Variants in PAFAH1B1 observed in about 807,000 individuals in gnomAD.
PAFAH1B1 encodes platelet-activating factor acetylhydrolase IB subunit beta.
PAFAH1B1 carries 2 observed loss-of-function variants against 57.5 expected under a neutral mutation model. The observed-to-expected ratio is 0.03, with a 90% CI of 0.01 to 0.11. The LOEUF (loss-of-function observed/expected upper bound fraction) is 0.11, where lower values mean the gene tolerates loss of function less well. PAFAH1B1 is among the 10% of genes least tolerant of loss of function. The pLI is 1.00. For synonymous variants in PAFAH1B1, 152 were observed against 169.6 expected, an observed-to-expected ratio of 0.90 and a Z score of 0.81; for missense variants, 257 against 512.0, an observed-to-expected ratio of 0.50 and a Z score of 4.81.
At chr17:2,597,116 T>C (rs751915134) in intron 1 of PAFAH1B1, among the ~76,000 whole-genome samples, 3 of 152,182 alleles carry the variant, frequency 2.0e-5, no homozygotes, top group Non-Finnish European at 4.4e-5. Flanking sequence ...AGATTGTTGT[T>C]AATCAGGAGC....
At chr17:2,650,054 T>C (rs1186239751) in intron 2 of PAFAH1B1, among the ~76,000 whole-genome samples, 1 of 152,110 alleles carries the variant, frequency 6.6e-6, no homozygotes, top group African/African-American at 2.4e-5. Context: ...CTGGTAAGTT[T>C]GACTGTATCA....
At chr17:2,611,833 G>T (rs2068271065) in intron 1 of PAFAH1B1, among the ~76,000 whole-genome samples, 1 of 152,086 alleles carries the variant, frequency 6.6e-6, no homozygotes, top group South Asian at 2.1e-4. Flanking sequence ...GCAACATCAG[G>T]GCAGATAATT....
intron 1 of PAFAH1B1, among the ~76,000 whole-genome samples, chr17:2,621,605 GTCTTTTTTTTTTTTTTTTTT>G (rs751626160): frequency 2.6e-4 from 24 of 93,242 alleles, no homozygotes; most frequent in African/African-American, 3.3e-4. Flanking sequence ...TAGATAATCT[GTCTTTTTTTTTTTTTTTTTT>G]TTTTTTTTTT....
Position 2,647,730 on chromosome 17 carries a change from C to A in PAFAH1B1, c.32+9410C>A, listed in dbSNP as rs562463276. On this transcript the variant is annotated intron_variant, in intron 2 of 10. Coordinates refer to ENST00000397195, the MANE Select transcript of PAFAH1B1 (RefSeq NM_000430.4). ...TTATAAAGGAGAGAGGGCAGCCGGG[C>A]GAGGTGGCTCACGCCTGTAATCCCA... is the stretch of plus-strand genomic sequence containing the variant. Among the ~76,000 whole-genome samples the A allele has an allele frequency of 1.5e-3, 232 of 152,192 alleles. 1 individual carries two copies. The highest frequency in any genetic ancestry group is 2.8e-3 in the Non-Finnish European group (190 of 68,004).
chr17:2,623,549 C>T (rs1052554864), intron 1 of PAFAH1B1, among the ~76,000 whole-genome samples: 2 of 151,578 alleles, frequency 1.3e-5, no homozygotes, highest in Non-Finnish European at 2.9e-5. Context: ...TGAGCCACTG[C>T]GTCTGGCCAA....
intron 9 of PAFAH1B1, among the ~76,000 whole-genome samples, chr17:2,677,593 G>A (rs1381090159): frequency 6.6e-6 from 1 of 152,112 alleles, no homozygotes. Flanking sequence ...GGTGGCTCAC[G>A]CCTGTAATCC....
At chr17:2,652,266 T>C (rs2068866738) in intron 2 of PAFAH1B1, among the ~76,000 whole-genome samples, 1 of 151,182 alleles carries the variant, frequency 6.6e-6, no homozygotes, top group African/African-American at 2.4e-5. Context: ...AAAAAAAAAA[T>C]TGGCCGGGCG....
At chr17:2,642,937 C>CT (rs1187193874) in intron 2 of PAFAH1B1, among the ~76,000 whole-genome samples, 2 of 152,068 alleles carry the variant, frequency 1.3e-5, no homozygotes, top group Non-Finnish European at 2.9e-5. Context: ...AAGTGTTACT[C>CT]TCTTCTGAAT....
chr17:2,679,330 A>G (rs1241549224), intron 9 of PAFAH1B1, among the ~76,000 whole-genome samples: 1 of 152,156 alleles, frequency 6.6e-6, no homozygotes, highest in Non-Finnish European at 1.5e-5. Context: ...GGAAATATGG[A>G]TGGATAGATG....
chr17:2,617,479 C>G (rs1383713843), intron 1 of PAFAH1B1, among the ~76,000 whole-genome samples: 1 of 152,198 alleles, frequency 6.6e-6, no homozygotes, highest in African/African-American at 2.4e-5. Flanking sequence ...CATACCTGAG[C>G]ACAGTCCATC....
At chr17:2,640,906 T>C (rs1298849420) in intron 2 of PAFAH1B1, 1 of 152,146 alleles carries the variant, frequency 6.6e-6, no homozygotes, top group Admixed American at 6.5e-5. Flanking sequence ...TTACTGTCAT[T>C]TTCTTTACCA....
At chr17:2,602,451 G>C (rs921692442) in intron 1 of PAFAH1B1, among the ~76,000 whole-genome samples, 1 of 152,114 alleles carries the variant, frequency 6.6e-6, no homozygotes, top group Non-Finnish European at 1.5e-5. Context: ...ACTCAACCTT[G>C]ACTCTTCTTT....
At chr17:2,593,590 G>GGGCGGCGGCGGGGGCGGCGGCGGCGGC, upstream of PAFAH1B1, among the ~76,000 whole-genome samples, 1 of 148,666 alleles carries the variant, frequency 6.7e-6, no homozygotes, top group South Asian at 2.1e-4. Flanking sequence ...GGCGGGTCTG[G>GGGCGGCGGCGGGGGCGGCGGCGGCGGC]GGCGGCGGCG....
At chr17:2,654,067 A>T (rs2068903846) in intron 2 of PAFAH1B1, among the ~76,000 whole-genome samples, 1 of 152,134 alleles carries the variant, frequency 6.6e-6, no homozygotes, top group South Asian at 2.1e-4. Flanking sequence ...TCGGCCTCCA[A>T]AAGTGCTGGG....
intron 2 of PAFAH1B1, chr17:2,642,497 G>C (rs990762989): frequency 1.3e-5 from 2 of 152,158 alleles, no homozygotes; most frequent in African/African-American, 4.8e-5. Context: ...GTTTAGACTT[G>C]GTTGAGTCTC....
At chr17:2,632,188 C>G (rs571730546) in intron 1 of PAFAH1B1, among the ~76,000 whole-genome samples, 3 of 152,312 alleles carry the variant, frequency 2.0e-5, no homozygotes, top group South Asian at 4.1e-4. Flanking sequence ...CTTGGCCTCC[C>G]GAAGTCTTGG....
chr17:2,594,455 A>G (rs1318019237), intron 1 of PAFAH1B1, among the ~76,000 whole-genome samples: 1 of 152,150 alleles, frequency 6.6e-6, no homozygotes, highest in Non-Finnish European at 1.5e-5. Context: ...GGAGACGAGC[A>G]CCGCAGTCCC....
At chr17:2,666,510 G>T (rs2069108029) in intron 4 of PAFAH1B1, among the ~76,000 whole-genome samples, 1 of 152,190 alleles carries the variant, frequency 6.6e-6, no homozygotes, top group Non-Finnish European at 1.5e-5. Context: ...CATAGGCAAA[G>T]TTAGAATAAG....
intron 2 of PAFAH1B1, among the ~76,000 whole-genome samples, chr17:2,652,226 C>A (rs61419149): frequency 1.3e-5 from 2 of 151,898 alleles, no homozygotes; most frequent in Admixed American, 6.6e-5. Context: ...CTGGCTAACA[C>A]GGTGAAACCC....
Sources: gnomAD v4.1 joint callset for allele counts (sites outside exome capture counted in the v4.1 genomes callset) on GRCh38, gnomAD v4.1.1 for gene constraint, MANE v1.5 for transcripts, NCBI Gene and HGNC (gene_info 2026-07-23, HGNC 2026-07-21) for gene names.